Variants in ADCY8 observed in about 807,000 individuals in gnomAD.
The protein encoded by ADCY8 is adenylate cyclase 8.
In ADCY8, 51 loss-of-function variants were observed where a neutral mutation model predicts 119.7. The observed-to-expected ratio is 0.43, with a 90% CI of 0.34 to 0.54. The LOEUF (loss-of-function observed/expected upper bound fraction) is 0.54, where lower values mean the gene tolerates loss of function less well. Ranked by LOEUF, ADCY8 falls within the 20% of genes least tolerant of loss-of-function variation. The pLI is 0.03. For synonymous variants in ADCY8, 665 were observed against 651.0 expected, an observed-to-expected ratio of 1.02 and a Z score of -0.33; for missense variants, 1,383 against 1,598.8, an observed-to-expected ratio of 0.87 and a Z score of 2.30.
At chr8:130,900,213 C>A (rs1819549741) in intron 7 of ADCY8, among the ~76,000 whole-genome samples, 1 of 152,178 alleles carries the variant, frequency 6.6e-6, no homozygotes, top group Admixed American at 6.5e-5. Context: ...GTCAAACCAA[C>A]AATTTTAACC....
In ADCY8 at chr8:130,956,106, C is replaced by T. The variant is rs534647610; in HGVS notation, c.1111-4108G>A. Reference sequence around the variant, plus strand: ...ACTGCAGTGAGCTGTGTTTGTGCCACGGCACTCCAGCCTGGTCAACAGAGA... The same window carrying T: ...ACTGCAGTGAGCTGTGTTTGTGCCATGGCACTCCAGCCTGGTCAACAGAGA... On this transcript the variant is annotated intron_variant, in intron 2 of 17. Transcript: ENST00000286355. Among the ~76,000 whole-genome samples, 113 of 152,190 alleles carry T rather than the reference C, an allele frequency of 7.4e-4. 2 individuals are homozygous for T. The Middle Eastern group carries it at 0.017, about 23-fold the overall frequency.
rs1292149847 is a variant in ADCY8, at chr8:130,840,449, CAA to C, written c.2503-4002_2503-4001del. ...GGATGTGAGGAGGAGAACTAGAAGA[CAA>C]TAGTGAAGAAACATGTGCCCGAAGA... is the stretch of plus-strand genomic sequence containing the variant. On this transcript the variant is annotated intron_variant, in intron 11 of 17. Transcript: ENST00000286355. Among the ~76,000 whole-genome samples, 19 of 96,142 alleles carry C rather than the reference CAA, an allele frequency of 2.0e-4. 5 individuals carry two copies. The highest frequency in any genetic ancestry group is 1.2e-3 in the South Asian group (2 of 1,606). 63.1% of individuals were successfully genotyped at this position (96,142 alleles called of 152,430 possible). A position where few individuals can be genotyped will look rare whatever the true frequency, so the allele number is the denominator to read the frequency against.
intron 2 of ADCY8, among the ~76,000 whole-genome samples, chr8:130,982,121 CAG>C (rs1365290244): frequency 6.6e-6 from 1 of 152,162 alleles, no homozygotes; most frequent in Non-Finnish European, 1.5e-5. Flanking sequence ...ACCAGGCAGC[CAG>C]ATGGAACACA....
chr8:131,039,769 C>T lies in ADCY8; in HGVS notation c.565G>A (p.Asp189Asn), dbSNP rs1824302662. The T allele has an allele frequency of 1.2e-6, 2 of 1,614,048 alleles. No individual in the cohort carries two copies. Among genetic ancestry groups the T allele is most frequent in the Non-Finnish European group, 1.7e-6 (2 of 1,180,040 alleles). The change falls in exon 1 of 18, where the codon GAC becomes AAC. Residue 189 changes from aspartate (D) to asparagine (N), a missense_variant. Physicochemically the swap from Asp to Asn is conservative, Grantham distance 23 (BLOSUM62 1). Around this residue, in one of 2 missense-constraint regions of ADCY8, gnomAD observed 455 missense variants for 435.3 expected, o/e 1.05. Transcript: ENST00000286355. ...RKSEVVMNVL[D>N]VLTKLTLLVL... Reference sequence around the variant, plus strand: ...AAGAGAGTGAGTTTGGTCAGCACGTCCAGCACGTTCATCACCACTTCCGAT... The same window carrying T: ...AAGAGAGTGAGTTTGGTCAGCACGTTCAGCACGTTCATCACCACTTCCGAT...
intron 3 of ADCY8, among the ~76,000 whole-genome samples, chr8:130,949,230 A>G (rs1258897935): frequency 6.6e-6 from 1 of 152,072 alleles, no homozygotes; most frequent in Non-Finnish European, 1.5e-5. Context: ...TTCCTGCAGA[A>G]AGCGAGCCGC....
chr8:130,891,362 C>T (rs1819181247), intron 7 of ADCY8, among the ~76,000 whole-genome samples: 1 of 152,088 alleles, frequency 6.6e-6, no homozygotes, highest in Non-Finnish European at 1.5e-5. Context: ...TGTTAAAATG[C>T]CAACCCAACC....
At chr8:130,821,093 T>C (rs1009767647) in intron 13 of ADCY8, among the ~76,000 whole-genome samples, 5 of 152,162 alleles carry the variant, frequency 3.3e-5, no homozygotes, top group African/African-American at 1.2e-4. Flanking sequence ...TAGGCAGAAA[T>C]TGAAAGCTCT....
chr8:130,895,591 C>G (rs57343527), intron 7 of ADCY8, among the ~76,000 whole-genome samples: 3,304 of 152,190 alleles, frequency 0.022, 74 homozygotes, highest in South Asian at 0.08. Flanking sequence ...ATGATTCTCC[C>G]TGGCTGAACT....
At chr8:131,000,001 A>C (rs1822893614) in intron 1 of ADCY8, among the ~76,000 whole-genome samples, 1 of 152,256 alleles carries the variant, frequency 6.6e-6, no homozygotes, top group Non-Finnish European at 1.5e-5. Flanking sequence ...AATAATAACA[A>C]GTATGACTTA....
At chr8:130,962,900 T>C (rs748030693) in intron 2 of ADCY8, among the ~76,000 whole-genome samples, 1 of 152,224 alleles carries the variant, frequency 6.6e-6, no homozygotes, top group Non-Finnish European at 1.5e-5. Flanking sequence ...AAATATCTTA[T>C]TGTTGTTGAT....
chr8:130,917,638 C>T (rs893491287), intron 5 of ADCY8, among the ~76,000 whole-genome samples: 7 of 152,132 alleles, frequency 4.6e-5, no homozygotes, highest in South Asian at 2.1e-4. Flanking sequence ...AGCAGCTGTG[C>T]GCCAAGTCAG....
rs187123321 is a variant in ADCY8 at position 130,943,314 on chromosome 8, C to G, written c.1353+37G>C. The G allele has an allele frequency of 1.7e-5, 25 of 1,440,746 alleles. No individual in the cohort carries two copies. The African/African-American group carries it at 3.1e-4, about 18-fold the overall frequency. 89.2% of individuals were successfully genotyped at this position (1,440,746 alleles called of 1,614,324 possible). A position where few individuals can be genotyped will look rare whatever the true frequency, so the allele number is the denominator to read the frequency against. On this transcript the variant is annotated intron_variant, in intron 4 of 17. Transcript: ENST00000286355. ...CTTATTCCATATGCAGTCCCTCACT[C>G]CTGCAAAAGACGAGGAGGAAATTAA...
At chr8:131,036,289 G>A (rs1824151060) in intron 1 of ADCY8, among the ~76,000 whole-genome samples, 1 of 152,128 alleles carries the variant, frequency 6.6e-6, no homozygotes, top group Non-Finnish European at 1.5e-5. Context: ...AAAATACTGT[G>A]CAAAGTAAAG....
chr8:131,018,931 A>G, intron 1 of ADCY8, among the ~76,000 whole-genome samples: 1 of 152,168 alleles, frequency 6.6e-6, no homozygotes, highest in Admixed American at 6.5e-5. Flanking sequence ...GTGGAGGTCT[A>G]TTTTTGTTGT....
chr8:130,838,917 G>T (rs74654261), intron 11 of ADCY8, among the ~76,000 whole-genome samples: 25,115 of 140,170 alleles, frequency 0.18, 6,476 homozygotes, highest in Non-Finnish European at 0.25. Flanking sequence ...AGGACAAAGC[G>T]TTGTGCATTC....
intron 7 of ADCY8, among the ~76,000 whole-genome samples, chr8:130,895,500 C>G (rs952849467): frequency 1.3e-5 from 2 of 152,074 alleles, no homozygotes; most frequent in Admixed American, 6.6e-5. Context: ...ATCCAATTGC[C>G]TACTTAATCC....
At chr8:130,813,580 C>A (rs1427615625) in intron 14 of ADCY8, among the ~76,000 whole-genome samples, 2 of 152,156 alleles carry the variant, frequency 1.3e-5, no homozygotes, top group African/African-American at 2.4e-5. Flanking sequence ...CTTTTTAAAG[C>A]CTGAATAATA....
chr8:130,944,998 C>T (rs975408395), intron 3 of ADCY8, among the ~76,000 whole-genome samples: 1 of 152,088 alleles, frequency 6.6e-6, no homozygotes, highest in African/African-American at 2.4e-5. Flanking sequence ...CAGGAGTCTC[C>T]CAGTAGAGAA....
intron 9 of ADCY8, among the ~76,000 whole-genome samples, chr8:130,852,568 A>G (rs1817568598): frequency 6.6e-6 from 1 of 152,176 alleles, no homozygotes; most frequent in Non-Finnish European, 1.5e-5. Flanking sequence ...AACGAGTATA[A>G]AAATGTCTCT....
Sources: gnomAD v4.1 joint callset for allele counts (sites outside exome capture counted in the v4.1 genomes callset) on GRCh38, gnomAD v4.1.1 for gene constraint, gnomAD v4.1.1 regional missense constraint, MANE v1.5 for transcripts, NCBI Gene and HGNC (gene_info 2026-07-23, HGNC 2026-07-21) for gene names.